Variants in KIF6 observed in about 807,000 individuals in gnomAD.
The protein encoded by KIF6 is kinesin family member 6.
Under a neutral mutation model 112.7 loss-of-function variants are expected in KIF6, and 106 were observed. The ratio of observed to expected loss-of-function variants is 0.94; its 90% CI spans 0.80 to 1.11. The LOEUF (loss-of-function observed/expected upper bound fraction) is 1.11, where lower values mean the gene tolerates loss of function less well. Among genes scored for constraint, KIF6 ranks in the 50% least tolerant of loss-of-function variants. KIF6 has a pLI of 0.00. For synonymous variants in KIF6, 339 were observed against 339.9 expected (o/e 1.00, Z 0.03); for missense variants, 929 against 964.0 (o/e 0.96, Z 0.48).
intron 4 of KIF6, among the ~76,000 whole-genome samples, chr6:39,636,111 G>T (rs762209786): frequency 2.0e-5 from 3 of 151,982 alleles, no homozygotes; most frequent in Non-Finnish European, 4.4e-5. Context: ...AACTAGAGTT[G>T]AGCCTCTACC....
intron 15 of KIF6, among the ~76,000 whole-genome samples, chr6:39,413,972 A>T (rs894639784): frequency 6.6e-6 from 1 of 152,222 alleles, no homozygotes; most frequent in African/African-American, 2.4e-5. Flanking sequence ...TTACTTTGTA[A>T]CTTTTAAATC....
chr6:39,505,355 T>C (rs956531364), intron 13 of KIF6, among the ~76,000 whole-genome samples: 4 of 152,188 alleles, frequency 2.6e-5, no homozygotes, highest in Non-Finnish European at 5.9e-5. Flanking sequence ...CAACTCAAGA[T>C]GGATTAAAGA....
chr6:39,353,832 G>T, intron 19 of KIF6: 1 of 423,080 alleles, frequency 2.4e-6, no homozygotes. Context: ...CTGGAGAGAT[G>T]GACTTCAGGA....
In KIF6 at chr6:39,640,538, T is replaced by G. The variant is rs138310037; in HGVS notation, c.252-781A>C. On this transcript the variant is annotated intron_variant, in intron 3 of 22. Coordinates refer to ENST00000287152, the MANE Select transcript of KIF6 (RefSeq NM_145027.6). ...TCCTTGATCTCTGAGATGTTTTCATTAAACTAGCTACGATGACATCAGCTA... is the reference window on the plus strand; with the variant it reads ...TCCTTGATCTCTGAGATGTTTTCATGAAACTAGCTACGATGACATCAGCTA... 3.7e-3 allele frequency among the ~76,000 whole-genome samples: 565 copies of G among 152,274 alleles called. 1 individual carries two copies. Among genetic ancestry groups the G allele is most frequent in the Non-Finnish European group, 6.2e-3 (420 of 68,002 alleles).
chr6:39,611,722 C>T (rs1199754364), intron 6 of KIF6, among the ~76,000 whole-genome samples: 1 of 152,144 alleles, frequency 6.6e-6, no homozygotes, highest in East Asian at 1.9e-4. Flanking sequence ...TTCTGTATCT[C>T]CTCGTTTGCT....
At chr6:39,666,136 C>T (rs1786452400) in intron 3 of KIF6, among the ~76,000 whole-genome samples, 1 of 152,170 alleles carries the variant, frequency 6.6e-6, no homozygotes, top group African/African-American at 2.4e-5. Context: ...CCAATCCACT[C>T]ATCTGAATTT....
chr6:39,712,947 A>G (rs1044050426), intron 3 of KIF6, among the ~76,000 whole-genome samples: 5 of 152,208 alleles, frequency 3.3e-5, no homozygotes, highest in African/African-American at 9.6e-5. Context: ...AACTTAAAGT[A>G]AAATAATAAT....
chr6:39,417,496 C>T (rs978669894), intron 15 of KIF6, among the ~76,000 whole-genome samples: 9 of 152,182 alleles, frequency 5.9e-5, no homozygotes, highest in African/African-American at 2.2e-4. Context: ...GTTTACTTGT[C>T]CAGATCTTCT....
At chr6:39,451,924 G>A (rs1772724547) in intron 13 of KIF6, among the ~76,000 whole-genome samples, 1 of 152,202 alleles carries the variant, frequency 6.6e-6, no homozygotes, top group South Asian at 2.1e-4. Flanking sequence ...AGGAGAAAAT[G>A]TCTTGAATGA....
chr6:39,446,413 C>T (rs1190176681), intron 13 of KIF6, among the ~76,000 whole-genome samples: 1 of 152,202 alleles, frequency 6.6e-6, no homozygotes, highest in Admixed American at 6.5e-5. Context: ...GCCTGGGATA[C>T]AGTAGATGCT....
intron 6 of KIF6, among the ~76,000 whole-genome samples, chr6:39,607,247 C>G (rs1164999570): frequency 6.6e-6 from 1 of 152,070 alleles, no homozygotes; most frequent in Non-Finnish European, 1.5e-5. Flanking sequence ...CTAATAATAG[C>G]TGTTCCATAC....
intron 13 of KIF6, among the ~76,000 whole-genome samples, chr6:39,486,795 G>A (rs1775139752): frequency 6.6e-6 from 1 of 152,158 alleles, no homozygotes; most frequent in Admixed American, 6.5e-5. Context: ...TGCAAAGGTT[G>A]CATGAACCCA....
intron 7 of KIF6, among the ~76,000 whole-genome samples, chr6:39,588,759 C>T (rs919123094): frequency 2.0e-5 from 3 of 152,146 alleles, no homozygotes; most frequent in African/African-American, 7.2e-5. Flanking sequence ...CTTGATTTGT[C>T]TTCATCCCCA....
Position 39,551,129 on chromosome 6 carries a change from G to A in KIF6, c.1182-5441C>T, listed in dbSNP as rs114111186. ...TACCCAGTAGTCGGATTGCTGGATT[G>A]TACAGCAGTTCTAGTTTTAGTTTTT... On this transcript the variant is annotated intron_variant, in intron 10 of 22. Transcript: ENST00000287152. Among the ~76,000 whole-genome samples the A allele has an allele frequency of 8.7e-3, 1,327 of 152,304 alleles. 11 individuals carry two copies. The highest frequency in any genetic ancestry group is 0.024 in the African/African-American group (998 of 41,556).
chr6:39,522,611 A>T (rs1259406127), intron 13 of KIF6, among the ~76,000 whole-genome samples: 1 of 152,200 alleles, frequency 6.6e-6, no homozygotes, highest in Non-Finnish European at 1.5e-5. Context: ...GGCAAAGGTC[A>T]CTGATCACTT....
At chr6:39,510,872 C>CAAAAAAA (rs1180631310) in intron 13 of KIF6, among the ~76,000 whole-genome samples, 24 of 23,868 alleles carry the variant, frequency 1.0e-3, no homozygotes, top group Admixed American at 2.5e-3. Context: ...AAATGGGAAG[C>CAAAAAAA]AAAAAAAAAA....
intron 13 of KIF6, among the ~76,000 whole-genome samples, chr6:39,454,835 G>A (rs1581893676): frequency 1.3e-5 from 2 of 152,164 alleles, no homozygotes; most frequent in South Asian, 2.1e-4. Context: ...GGCGCACCAC[G>A]AGACTATATC....
chr6:39,454,675 A>G (rs550138694), intron 13 of KIF6, among the ~76,000 whole-genome samples: 60 of 152,308 alleles, frequency 3.9e-4, no homozygotes, highest in African/African-American at 1.3e-3. Context: ...ACCGTGCGCG[A>G]GCCGAAGCAG....
At chr6:39,656,843 T>C (rs1785818145) in intron 3 of KIF6, among the ~76,000 whole-genome samples, 1 of 152,196 alleles carries the variant, frequency 6.6e-6, no homozygotes, top group Non-Finnish European at 1.5e-5. Context: ...CCCATAACTC[T>C]CACCTTCCTA....
Sources: allele counts gnomAD v4.1 joint callset (sites outside exome capture counted in the v4.1 genomes callset), GRCh38; gene constraint gnomAD v4.1.1; transcripts MANE v1.5; gene names NCBI Gene and HGNC (gene_info 2026-07-23, HGNC 2026-07-21).